TMEM130: variants seen among roughly 807,000 people sequenced by gnomAD.
TMEM130 encodes the protein transmembrane protein 130.
In TMEM130, 37 loss-of-function variants were observed where a neutral mutation model predicts 42.9. That is an observed-to-expected ratio of 0.86 (90% confidence interval 0.66 to 1.13). The LOEUF (loss-of-function observed/expected upper bound fraction) is 1.13. Ranked by LOEUF, TMEM130 falls within the 50% of genes most tolerant of loss-of-function variation. TMEM130 has a pLI of 0.00. For missense variants in TMEM130, 545 were observed against 562.6 expected, an observed-to-expected ratio of 0.97 and a Z score of 0.32; for synonymous variants, 259 against 237.7, an observed-to-expected ratio of 1.09 and a Z score of -0.82.
At chr7:98,851,814 C>A (rs1370086188) in intron 5 of TMEM130, among the ~76,000 whole-genome samples, 191 bp from the exon 6 acceptor site, 1 of 152,032 alleles carries the variant, frequency 6.6e-6, no homozygotes, top group African/African-American at 2.4e-5. Flanking sequence ...GGTCCCGGAC[C>A]CCCAAGAGAA....
chr7:98,847,845 G>T lies in TMEM130; in HGVS notation c.*211C>A, dbSNP rs1335979619. ...TAACCGAGTGGGGCTTATGTCAGTG[G>T]CTGGACTGTACAGATGGGTGAATGG... On this transcript the variant is annotated 3_prime_UTR_variant, in exon 8 of 8. Coordinates refer to ENST00000339375, the MANE Select transcript of TMEM130 (RefSeq NM_152913.3). 8 of 482,888 alleles carry T rather than the reference G, an allele frequency of 1.7e-5. No individual in the cohort carries two copies. The highest frequency in any genetic ancestry group is 2.9e-5 in the Non-Finnish European group (8 of 274,450). The allele number at this position is 482,888 out of a possible 1,614,324, so 29.9% of individuals were successfully genotyped here.
chr7:98,848,298 A>T (rs1213344742), intron 7 of TMEM130, 90 bp from the exon 8 acceptor site: 5 of 1,531,704 alleles, frequency 3.3e-6, no homozygotes, highest in Middle Eastern at 2.0e-4. Flanking sequence ...GAGCCCCATC[A>T]GGTGGCCTTA....
At chr7:98,861,357 T>G (rs1184214253) in intron 2 of TMEM130, among the ~76,000 whole-genome samples, 1 of 151,550 alleles carries the variant, frequency 6.6e-6, no homozygotes, top group Admixed American at 6.6e-5. Flanking sequence ...AAAGAAAAAT[T>G]AGCAGTTCCA....
Position 98,848,465 on chromosome 7 carries a change from A to G in TMEM130, c.1119+118T>C, listed in dbSNP as rs566099894. ...TTGGGCACATCACCCCAAGTCCCGG[A>G]GCCTCGCTGTAATATCAAGACCCCC... On this transcript the variant is annotated intron_variant, in intron 7 of 7. Transcript: ENST00000339375. 8.4e-6 allele frequency: 7 copies of G among 833,276 alleles called. No homozygotes were observed. The Admixed American group carries it at 1.3e-4, about 15-fold the overall frequency. The allele number at this position is 833,276 out of a possible 1,614,324, so 51.6% of individuals were successfully genotyped here.
chr7:98,849,695 G>A (rs1228733711), intron 6 of TMEM130, among the ~76,000 whole-genome samples: 80 of 152,176 alleles, frequency 5.3e-4, no homozygotes, highest in Admixed American at 5.2e-3. Context: ...TTTGGCATGA[G>A]CTTGGGAGCA....
chr7:98,847,913 G>T lies in TMEM130; in HGVS notation c.*143C>A. ...AGAGAGGGAGGGGCTTGTGGCAGTG[G>T]CTGAACTGTACAGATGGATGGATGA... On this transcript the variant is annotated 3_prime_UTR_variant, in exon 8 of 8. Coordinates refer to ENST00000339375, the MANE Select transcript of TMEM130 (RefSeq NM_152913.3). 1 of 754,358 alleles carries T rather than the reference G, an allele frequency of 1.3e-6. No individual in the cohort carries two copies. 46.7% of individuals were successfully genotyped at this position (754,358 alleles called of 1,614,324 possible).
At chr7:98,856,806 T>C (rs1387041587) in intron 3 of TMEM130, among the ~76,000 whole-genome samples, 1 of 152,162 alleles carries the variant, frequency 6.6e-6, no homozygotes, top group Non-Finnish European at 1.5e-5. Flanking sequence ...AAGCCGAGGG[T>C]TCTGTTGGAC....
chr7:98,857,707 G>GAAAGAA (rs143480978), intron 3 of TMEM130, among the ~76,000 whole-genome samples: 1 of 139,092 alleles, frequency 7.2e-6, no homozygotes, highest in Admixed American at 7.2e-5. Flanking sequence ...CTCAAAAACA[G>GAAAGAA]AAACAAAAAC....
chr7:98,849,501 C>G (rs1480092850), intron 6 of TMEM130, among the ~76,000 whole-genome samples: 1 of 152,112 alleles, frequency 6.6e-6, no homozygotes, highest in Non-Finnish European at 1.5e-5. Context: ...AACTTGGTCC[C>G]CAGAGGGTGC....
At chr7:98,868,134 C>G (rs1029745236) in intron 1 of TMEM130, among the ~76,000 whole-genome samples, 36 of 152,226 alleles carry the variant, frequency 2.4e-4, no homozygotes, top group African/African-American at 8.7e-4. Flanking sequence ...GAGGCTGAGG[C>G]AGGAGAATTT....
rs974360012 is a variant in TMEM130, at chr7:98,869,532, G to A, written c.85+245C>T. Among the ~76,000 whole-genome samples the A allele has an allele frequency of 1.3e-5, 2 of 152,244 alleles. No individual in the cohort carries two copies. The highest frequency in any genetic ancestry group is 2.9e-5 in the Non-Finnish European group (2 of 68,040). On this transcript the variant is annotated intron_variant, in intron 1 of 7. Transcript: ENST00000339375. The surrounding 1 kb of genome is among the most constrained non-coding windows in gnomAD (Gnocchi z 4.7). ...GGTTTCCAGGGCAGGGCCAGCCTGG[G>A]GGGGTGGAAGCAGGAATCCAGGGGG...
At chr7:98,851,365 T>C (rs1794499990) in intron 6 of TMEM130, 56 bp downstream of exon 6, 3 of 1,571,888 alleles carry the variant, frequency 1.9e-6, no homozygotes, top group Admixed American at 3.3e-5. Flanking sequence ...GGTGGCAGGA[T>C]GGACAGGCTT....
intron 6 of TMEM130, among the ~76,000 whole-genome samples, chr7:98,850,268 TATA>T (rs1199966664): frequency 0.16 from 9,339 of 58,584 alleles, 825 homozygotes; most frequent in Non-Finnish European, 0.2. Context: ...TATATATATA[TATA>T]TATTTTTTTT....
intron 6 of TMEM130, 135 bp downstream of exon 6, chr7:98,851,286 G>A: frequency 1.2e-6 from 1 of 843,306 alleles, no homozygotes. Flanking sequence ...GTTATGGATG[G>A]TGCTGATGCT....
intron 5 of TMEM130, among the ~76,000 whole-genome samples, chr7:98,852,963 G>A (rs1794545208): frequency 6.6e-6 from 1 of 152,158 alleles, no homozygotes; most frequent in African/African-American, 2.4e-5. Flanking sequence ...GAGCAGATCT[G>A]AATGGATAAA....
At chr7:98,857,819 G>A (rs557077893) in intron 3 of TMEM130, among the ~76,000 whole-genome samples, 1 of 149,630 alleles carries the variant, frequency 6.7e-6, no homozygotes, top group Non-Finnish European at 1.5e-5. Flanking sequence ...CCTCCTACCC[G>A]GTTCAAACGA....
intron 5 of TMEM130, among the ~76,000 whole-genome samples, chr7:98,853,461 T>C (rs1195748425): frequency 6.6e-6 from 1 of 151,938 alleles, no homozygotes; most frequent in African/African-American, 2.4e-5. Flanking sequence ...AACCCTGTCT[T>C]TACAAAAAAT....
chr7:98,857,427 C>T (rs937453591), intron 3 of TMEM130, among the ~76,000 whole-genome samples: 4 of 152,206 alleles, frequency 2.6e-5, no homozygotes, highest in East Asian at 1.9e-4. Flanking sequence ...TTGCCAGGCA[C>T]GATGGCTCAC....
intron 1 of TMEM130, among the ~76,000 whole-genome samples, chr7:98,865,267 C>T (rs1794881387): frequency 6.6e-6 from 1 of 152,208 alleles, no homozygotes; most frequent in South Asian, 2.1e-4. Flanking sequence ...AAATACAGAA[C>T]AAGCCCCTCC....
Sources: allele counts gnomAD v4.1 joint callset (sites outside exome capture counted in the v4.1 genomes callset), GRCh38; gene constraint gnomAD v4.1.1; non-coding constraint Gnocchi (gnomAD v3.1); transcripts MANE v1.5; gene names NCBI Gene and HGNC (gene_info 2026-07-23, HGNC 2026-07-21).